TM2D3: variants seen among roughly 807,000 people sequenced by gnomAD.
TM2D3 encodes TM2 domain containing 3.
A neutral mutation model predicts 27.3 loss-of-function variants in TM2D3; 33 were observed. The ratio of observed to expected loss-of-function variants is 1.21; its 90% CI spans 0.92 to 1.61. The LOEUF (loss-of-function observed/expected upper bound fraction) is 1.61, where lower values mean the gene tolerates loss of function less well. Among genes scored for constraint, TM2D3 ranks in the 40% most tolerant of loss-of-function variants. TM2D3 has a pLI of 0.00. For missense variants in TM2D3, 364 were observed against 320.8 expected (o/e 1.13, Z -1.03); for synonymous variants, 138 against 122.2 (o/e 1.13, Z -0.85).
chr15:101,639,971 G>A (rs775391695), downstream of TM2D3, among the ~76,000 whole-genome samples: 1 of 152,194 alleles, frequency 6.6e-6, no homozygotes, highest in Non-Finnish European at 1.5e-5. Flanking sequence ...ATGGAAGAGA[G>A]CTGACAAAGC....
At chr15:101,642,848 A>C (rs889417540) in intron 5 of TM2D3, among the ~76,000 whole-genome samples, 3 of 152,238 alleles carry the variant, frequency 2.0e-5, no homozygotes, top group African/African-American at 4.8e-5. Flanking sequence ...AAAAGTAAAC[A>C]TACAATTTTT....
rs7172668 is a variant in TM2D3, at chr15:101,643,517, G to T, written c.579-873C>A. ...CTCGGGAGGCTGAGGCAGGAGAATG[G>T]CGTGAACCTGGGAGGTGGAGCTTGC... is the stretch of plus-strand genomic sequence containing the variant. On this transcript the variant is annotated intron_variant, in intron 5 of 5. Coordinates refer to ENST00000333202, the MANE Select transcript of TM2D3 (RefSeq NM_078474.3). 2.2e-3 allele frequency among the ~76,000 whole-genome samples: 334 copies of T among 150,792 alleles called. 2 individuals carry two copies. Among genetic ancestry groups the T allele is most frequent in the African/African-American group, 7.7e-3 (315 of 40,984 alleles).
rs778626232 is a variant in TM2D3, at chr15:101,651,679, T to C, written c.169+17A>G. On this transcript the variant is annotated intron_variant, in intron 2 of 5. Coordinates refer to ENST00000333202, the MANE Select transcript of TM2D3 (RefSeq NM_078474.3). ...AGATAACTACATGTATTTACTAGAA[T>C]AGAAAACGTCTAGTACCTGCTGCCC... 13 of 1,611,122 alleles carry C rather than the reference T, an allele frequency of 8.1e-6. No homozygotes were observed. Among genetic ancestry groups the C allele is most frequent in the Non-Finnish European group, 9.3e-6 (11 of 1,177,548 alleles).
chr15:101,645,531 A>G (rs1373146399), intron 4 of TM2D3: 1 of 202,610 alleles, frequency 4.9e-6, no homozygotes, highest in East Asian at 1.6e-4. Flanking sequence ...CAGAGGTCAC[A>G]CACGGATCAA....
At chr15:101,647,734 T>C (rs1195200054) in intron 3 of TM2D3, among the ~76,000 whole-genome samples, 2 of 152,208 alleles carry the variant, frequency 1.3e-5, no homozygotes, top group African/African-American at 4.8e-5. Context: ...TGTATATTTA[T>C]AAATTTACTA....
rs141323379 is a variant in TM2D3 at position 101,644,044 on chromosome 15, C to T, written c.578+1043G>A. ...TATTTTTGGTAGAGATGGGGTTTCA[C>T]CATGTTGGCCAGGCTGGTCTTGAAC... On this transcript the variant is annotated intron_variant, in intron 5 of 5. Coordinates refer to ENST00000333202, the MANE Select transcript of TM2D3 (RefSeq NM_078474.3). Among the ~76,000 whole-genome samples, 576 of 152,210 alleles carry T rather than the reference C, an allele frequency of 3.8e-3. 4 individuals are homozygous for T. The highest frequency in any genetic ancestry group is 0.012 in the African/African-American group (510 of 41,528).
At chr15:101,634,077 A>C (rs974656697) in intron 4 of TM2D3, 1 of 178,106 alleles carries the variant, frequency 5.6e-6, no homozygotes, top group African/African-American at 2.4e-5. Flanking sequence ...GGGCTGCCTC[A>C]GTAGTGGACA....
At chr15:101,646,332 A>G in intron 4 of TM2D3, 1 of 158,686 alleles carries the variant, frequency 6.3e-6, no homozygotes, top group East Asian at 1.3e-4. Flanking sequence ...AAAAAATTTA[A>G]AAGGAAGTGA....
At chr15:101,643,680 TTACAG>T (rs1205236025) in intron 5 of TM2D3, among the ~76,000 whole-genome samples, 1 of 149,762 alleles carries the variant, frequency 6.7e-6, no homozygotes, top group African/African-American at 2.5e-5. Flanking sequence ...TGAAAGTATG[TTACAG>T]TATAGTACTG....
rs752990785 is a variant in TM2D3 at position 101,652,259 on chromosome 15, C to A, written c.91+12G>T. ...CAGCCCCACCCGGCGCTGAACCCAG[C>A]CTTTGACTCACCACCGCCCGACAGA... On this transcript the variant is annotated intron_variant, in intron 1 of 5. Transcript: ENST00000333202. 1.2e-6 allele frequency: 2 copies of A among 1,603,754 alleles called. No homozygotes were observed. Among genetic ancestry groups the A allele is most frequent in the African/African-American group, 1.4e-5 (1 of 73,134 alleles).
chr15:101,642,014 A>C lies in TM2D3; in HGVS notation c.*465T>G. ...ACACTGCAAAACTTACACATGACTG[A>C]AGCTGAGCCTAATAACTTCAATTAG... On this transcript the variant is annotated 3_prime_UTR_variant, in exon 6 of 6. Coordinates refer to ENST00000333202, the MANE Select transcript of TM2D3 (RefSeq NM_078474.3). The C allele has an allele frequency of 1.0e-6, 1 of 986,216 alleles. No homozygotes were observed. Among genetic ancestry groups the C allele is most frequent in the South Asian group, 4.6e-5 (1 of 21,620 alleles). The allele number at this position is 986,216 out of a possible 1,614,324, so 61.1% of individuals were successfully genotyped here.
At chr15:101,637,629 G>A (rs936121215), downstream of TM2D3, among the ~76,000 whole-genome samples, 7 of 152,136 alleles carry the variant, frequency 4.6e-5, no homozygotes, top group African/African-American at 1.7e-4. Context: ...AGGGAAAAAA[G>A]GTCAGAGTTT....
rs769800679 is a variant in TM2D3, at chr15:101,641,928, CAT to C, written c.*549_*550del. On this transcript the variant is annotated 3_prime_UTR_variant, in exon 6 of 6. Transcript: ENST00000333202. ...TAAGAAAATTTAAACCATAACTAGA[CAT>C]AAACATTCTGCAGTTTAATTCAAAT... The C allele has an allele frequency of 2.3e-5, 23 of 983,598 alleles. No individual in the cohort carries two copies. Among genetic ancestry groups the C allele is most frequent in the East Asian group, 2.3e-4 (2 of 8,816 alleles). The allele number at this position is 983,598 out of a possible 1,614,324, so 60.9% of individuals were successfully genotyped here. A position where few individuals can be genotyped will look rare whatever the true frequency, so the allele number is the denominator to read the frequency against.
chr15:101,651,734 C>T lies in TM2D3; in HGVS notation c.131G>A (p.Gly44Asp), dbSNP rs1322195031. Residue 44 changes from glycine (G) to aspartate (D), a missense_variant, in exon 2 of 6, where the codon GGC (glycine) becomes GAC (aspartate). Physicochemically the swap from Gly to Asp is moderately conservative, Grantham distance 94. Transcript: ENST00000333202. ...QALAQSIKDP[G>D]PTRTFTVVPR... ...AACTACTGTGAATGTGCGTGTTGGG[C>T]CCGGATCCTTTATTGACTGAGCCAG... is the stretch of plus-strand genomic sequence containing the variant. The T allele has an allele frequency of 8.1e-6, 13 of 1,614,186 alleles. No homozygotes were observed. The highest frequency in any genetic ancestry group is 1.7e-5 in the Admixed American group (1 of 60,022).
downstream of TM2D3, chr15:101,636,893 G>T (rs553411665): frequency 9.3e-4 from 405 of 437,158 alleles, 1 homozygote; most frequent in African/African-American, 7.6e-3. Context: ...GCTCAGGCTG[G>T]AGTGCAGTGG....
chr15:101,650,368 A>G, intron 2 of TM2D3: 1 of 452,776 alleles, frequency 2.2e-6, no homozygotes, highest in South Asian at 5.2e-5. Flanking sequence ...CCACACTTGT[A>G]AAACATTACT....
Position 101,642,247 on chromosome 15 carries a change from C to T in TM2D3, c.*232G>A. 1 of 1,209,030 alleles carries T rather than the reference C, an allele frequency of 8.3e-7. No individual in the cohort carries two copies. The highest frequency in any genetic ancestry group is 3.2e-5 in the South Asian group (1 of 31,014). The allele number at this position is 1,209,030 out of a possible 1,614,324, so 74.9% of individuals were successfully genotyped here. On this transcript the variant is annotated 3_prime_UTR_variant, in exon 6 of 6. Coordinates refer to ENST00000333202, the MANE Select transcript of TM2D3 (RefSeq NM_078474.3). ...TTCAATCACTGTATAATTCATTCTCCTGGCTTAAGTACGTTTTAATTTTTT... is the reference window on the plus strand; with the variant it reads ...TTCAATCACTGTATAATTCATTCTCTTGGCTTAAGTACGTTTTAATTTTTT...
In TM2D3 at chr15:101,642,267, T is replaced by G. The variant is rs1261214706; in HGVS notation, c.*212A>C. 1 of 1,238,070 alleles carries G rather than the reference T, an allele frequency of 8.1e-7. No individual in the cohort carries two copies. Among genetic ancestry groups the G allele is most frequent in the African/African-American group, 1.6e-5 (1 of 64,416 alleles). The allele number at this position is 1,238,070 out of a possible 1,614,324, so 76.7% of individuals were successfully genotyped here. On this transcript the variant is annotated 3_prime_UTR_variant, in exon 6 of 6. Transcript: ENST00000333202. ...TTCTCCTGGCTTAAGTACGTTTTAA[T>G]TTTTTCACAGAAAAAAATATATTTC...
chr15:101,649,937 C>G, intron 3 of TM2D3, 67 bp downstream of exon 3: 1 of 1,440,586 alleles, frequency 6.9e-7, no homozygotes, highest in Non-Finnish European at 9.6e-7. Flanking sequence ...ATAATCAAGT[C>G]TGAATTGTTC....
Sources: allele counts gnomAD v4.1 joint callset (sites outside exome capture counted in the v4.1 genomes callset), GRCh38; gene constraint gnomAD v4.1.1; transcripts MANE v1.5; gene names NCBI Gene and HGNC (gene_info 2026-07-23, HGNC 2026-07-21).